Variants in MTFMT observed in about 807,000 individuals in gnomAD.
MTFMT encodes the protein methionyl-tRNA formyltransferase, mitochondrial.
A neutral mutation model predicts 51.8 loss-of-function variants in MTFMT; 47 were observed. The ratio of observed to expected loss-of-function variants is 0.91; its 90% CI spans 0.72 to 1.16. The LOEUF (loss-of-function observed/expected upper bound fraction) is 1.16. Among genes scored for constraint, MTFMT ranks in the 50% most tolerant of loss-of-function variants. The pLI is 0.00. For missense variants in MTFMT, 512 were observed against 482.3 expected, an observed-to-expected ratio of 1.06 and a Z score of -0.58; for synonymous variants, 196 against 176.7, an observed-to-expected ratio of 1.11 and a Z score of -0.87.
chr15:65,029,022 G>A (rs76921383), intron 1 of MTFMT, among the ~76,000 whole-genome samples: 2,314 of 152,244 alleles, frequency 0.015, 42 homozygotes, highest in African/African-American at 0.051. Flanking sequence ...AACCACCTCG[G>A]CTGATGACCT....
chr15:65,016,585 A>C lies in MTFMT; in HGVS notation c.722-58T>G. The C allele has an allele frequency of 1.8e-6, 2 of 1,132,368 alleles. 1 individual carries two copies. Among genetic ancestry groups the C allele is most frequent in the South Asian group, 2.5e-5 (2 of 79,070 alleles). The allele number at this position is 1,132,368 out of a possible 1,614,324, so 70.1% of individuals were successfully genotyped here. A position where few individuals can be genotyped will look rare whatever the true frequency, so the allele number is the denominator to read the frequency against. On this transcript the variant is annotated intron_variant, in intron 5 of 8. Coordinates refer to ENST00000220058, the MANE Select transcript of MTFMT (RefSeq NM_139242.4). ...TCAGGGTCAGTGTCCATGAATTGAC[A>C]GCTATTGATACTGAATAAGAGATAC...
At position 65,026,835 on chromosome 15, in the gene MTFMT, G is replaced by A; in HGVS notation, c.415C>T (p.Pro139Ser). The A allele has an allele frequency of 1.2e-6, 2 of 1,612,912 alleles. No homozygotes were observed. The highest frequency in any genetic ancestry group is 2.2e-5 in the East Asian group (1 of 44,880). ...LLNEALILKFPYGILNVHPSC... is the reference protein window; with the variant it reads ...LLNEALILKFSYGILNVHPSC... ...TTCCTTACAAATAAAACTTACTAGGGAAATTTAAGAATAAGAGCCTCATTC... is the reference window on the plus strand; with the variant it reads ...TTCCTTACAAATAAAACTTACTAGGAAAATTTAAGAATAAGAGCCTCATTC... The change falls in exon 2 of 9, where the codon CCC becomes TCC. Residue 139 changes from proline (P) to serine (S), a missense_variant. Coordinates refer to ENST00000220058, the MANE Select transcript of MTFMT (RefSeq NM_139242.4).
chr15:65,009,656 T>A (rs1196995589), intron 6 of MTFMT, among the ~76,000 whole-genome samples: 3 of 147,740 alleles, frequency 2.0e-5, no homozygotes, highest in Non-Finnish European at 3.0e-5. Context: ...TTTATTTTTT[T>A]AATTTTTTTT....
intron 1 of MTFMT, among the ~76,000 whole-genome samples, chr15:65,028,360 A>G (rs998733552): frequency 3.3e-5 from 5 of 152,214 alleles, no homozygotes; most frequent in African/African-American, 1.2e-4. Context: ...GGCTGCAGTG[A>G]GCTATGAGCC....
chr15:65,021,962 C>T (rs1045009075), intron 3 of MTFMT, among the ~76,000 whole-genome samples: 2 of 151,924 alleles, frequency 1.3e-5, no homozygotes, highest in Non-Finnish European at 2.9e-5. Flanking sequence ...AGCAAAGAAA[C>T]GATACAGTTG....
intron 1 of MTFMT, among the ~76,000 whole-genome samples, chr15:65,028,455 C>G (rs1290440439): frequency 6.6e-6 from 1 of 152,074 alleles, no homozygotes; most frequent in East Asian, 1.9e-4. Flanking sequence ...TGTATAAATG[C>G]AGTGAGAGAC....
At chr15:65,026,567 T>C (rs2086426213) in intron 2 of MTFMT, 5 of 366,860 alleles carry the variant, frequency 1.4e-5, no homozygotes, top group Non-Finnish European at 2.5e-5. Context: ...AGAAAGATGT[T>C]ATTTCCTATT....
rs1315975944 is a variant in MTFMT, at chr15:65,028,658, G to A, written c.209+747C>T. 3.3e-5 allele frequency among the ~76,000 whole-genome samples: 5 copies of A among 152,002 alleles called. No homozygotes were observed. The East Asian group carries it at 9.7e-4, about 29-fold the overall frequency. ...AGATGACCAAAAAAAGTGGAAGGAG[G>A]ACTGCGTCAGAAAAAAACAGAATGG... On this transcript the variant is annotated intron_variant, in intron 1 of 8. Transcript: ENST00000220058.
chr15:65,027,151 G>C, intron 1 of MTFMT, 111 bp from the exon 2 acceptor site: 1 of 773,290 alleles, frequency 1.3e-6, no homozygotes, highest in Non-Finnish European at 2.1e-6. Context: ...AGCATTTAGG[G>C]CTAAATGATT....
intron 3 of MTFMT, among the ~76,000 whole-genome samples, chr15:65,022,971 G>A (rs2086387968): frequency 1.3e-5 from 2 of 152,090 alleles, no homozygotes; most frequent in South Asian, 2.1e-4. Flanking sequence ...TTACAGGCGT[G>A]AGCCACCATG....
chr15:65,025,272 G>C (rs904598759), intron 2 of MTFMT, among the ~76,000 whole-genome samples: 3 of 151,112 alleles, frequency 2.0e-5, no homozygotes, highest in African/African-American at 7.3e-5. Context: ...GGGTGTGTTG[G>C]CACATTCCTA....
intron 2 of MTFMT, among the ~76,000 whole-genome samples, chr15:65,025,478 G>A (rs1019143214): frequency 1.3e-5 from 2 of 152,162 alleles, no homozygotes; most frequent in African/African-American, 4.8e-5. Context: ...AGAGGGCCAA[G>A]GACAGAAGTA....
intron 4 of MTFMT, among the ~76,000 whole-genome samples, chr15:65,020,881 C>T (rs549191987): frequency 3.3e-5 from 5 of 152,282 alleles, no homozygotes; most frequent in East Asian, 1.9e-4. Flanking sequence ...GTTCAATAAA[C>T]GGCAGTCACT....
At chr15:65,011,954 T>C (rs746310879) in intron 6 of MTFMT, among the ~76,000 whole-genome samples, 15 of 152,132 alleles carry the variant, frequency 9.9e-5, no homozygotes, top group Non-Finnish European at 1.3e-4. Context: ...TATTTACACC[T>C]ATATTTTCTT....
rs150658253 is a variant in MTFMT at position 65,009,633 on chromosome 15, G to A, written c.814-3442C>T. 1.2e-3 allele frequency among the ~76,000 whole-genome samples: 179 copies of A among 151,952 alleles called. 1 individual carries two copies. Among genetic ancestry groups the A allele is most frequent in the Admixed American group, 9.2e-3 (140 of 15,242 alleles). On this transcript the variant is annotated intron_variant, in intron 6 of 8. Transcript: ENST00000220058. ...CATCATCTGTCATCTGGCTACAGTCGCAGCAGCTTCTTTTTATTTTTTTAA... is the reference window on the plus strand; with the variant it reads ...CATCATCTGTCATCTGGCTACAGTCACAGCAGCTTCTTTTTATTTTTTTAA...
rs948613455 is a variant in MTFMT, at chr15:65,015,661, AC to A, written c.813+774del. Among the ~76,000 whole-genome samples the A allele has an allele frequency of 3.3e-5, 5 of 152,016 alleles. 1 individual carries two copies. Among genetic ancestry groups the A allele is most frequent in the African/African-American group, 1.2e-4 (5 of 41,394 alleles). ...AGACCAGCCTGGGCAACATGGCAAA[AC>A]CTCGTCTCTACAAAAAAATACAAAA... On this transcript the variant is annotated intron_variant, in intron 6 of 8. Transcript: ENST00000220058.
At position 65,027,051 on chromosome 15, in the gene MTFMT, T is replaced by C. The variant is rs1052461751; in HGVS notation, c.210-11A>G. The C allele has an allele frequency of 1.2e-6, 2 of 1,604,026 alleles. No individual in the cohort carries two copies. The highest frequency in any genetic ancestry group is 1.3e-5 in the African/African-American group (1 of 74,920). ...TCTTCTTTGTTTTCCCTAAATTAGA[T>C]AGGAAGAAAAATGTGACAGTGTTAA... is the stretch of plus-strand genomic sequence containing the variant. On this transcript the variant is annotated splice_polypyrimidine_tract_variant and intron_variant, in intron 1 of 8. Coordinates refer to ENST00000220058, the MANE Select transcript of MTFMT (RefSeq NM_139242.4).
intron 2 of MTFMT, 41 bp downstream of exon 2, chr15:65,026,790 C>A: frequency 6.7e-7 from 1 of 1,500,676 alleles, no homozygotes; most frequent in Non-Finnish European, 9.1e-7. Flanking sequence ...TTTATAAAGA[C>A]CAAGGTTTCT....
At position 65,002,946 on chromosome 15, in the gene MTFMT, G is replaced by A; in HGVS notation, c.*116C>T. The A allele has an allele frequency of 4.4e-6, 3 of 686,724 alleles. No individual in the cohort carries two copies. The highest frequency in any genetic ancestry group is 6.4e-6 in the Non-Finnish European group (3 of 470,118). The allele number at this position is 686,724 out of a possible 1,614,324, so 42.5% of individuals were successfully genotyped here. A position where few individuals can be genotyped will look rare whatever the true frequency, so the allele number is the denominator to read the frequency against. ...CCACTGGATTCCAGCCTGGGTGACA[G>A]AGTGAGACTCTGTCTCAAAAAAAAA... is the stretch of plus-strand genomic sequence containing the variant. On this transcript the variant is annotated 3_prime_UTR_variant, in exon 9 of 9. Transcript: ENST00000220058.
Sources: gnomAD v4.1 joint callset for allele counts (sites outside exome capture counted in the v4.1 genomes callset) on GRCh38, gnomAD v4.1.1 for gene constraint, MANE v1.5 for transcripts, NCBI Gene and HGNC (gene_info 2026-07-23, HGNC 2026-07-21) for gene names.